ARHGEF11: variants seen among roughly 807,000 people sequenced by gnomAD.
ARHGEF11 encodes Rho guanine nucleotide exchange factor 11.
In ARHGEF11, 55 loss-of-function variants were observed where a neutral mutation model predicts 193.7. That is an observed-to-expected ratio of 0.28 (90% CI 0.23 to 0.36). ARHGEF11 has a LOEUF of 0.36. Among genes scored for constraint, ARHGEF11 ranks in the 10% least tolerant of loss-of-function variants. The pLI, the probability that ARHGEF11 is intolerant of heterozygous loss-of-function variation, is 1.00. For missense variants in ARHGEF11, 1,723 were observed against 2,005.6 expected, an observed-to-expected ratio of 0.86 and a Z score of 2.69; for synonymous variants, 693 against 768.0, an observed-to-expected ratio of 0.90 and a Z score of 1.62.
intron 1 of ARHGEF11, among the ~76,000 whole-genome samples, chr1:157,009,780 C>CT (rs1231583428): frequency 2.0e-5 from 3 of 152,192 alleles, no homozygotes; most frequent in Non-Finnish European, 4.4e-5. Context: ...CTGAAAGACA[C>CT]TAAGATATCC....
intron 21 of ARHGEF11, 71 bp from the exon 22 acceptor site, chr1:156,951,770 C>G: frequency 6.3e-7 from 1 of 1,593,812 alleles, no homozygotes; most frequent in South Asian, 1.1e-5. Context: ...TTGGACTTCC[C>G]CAGATCCCAG....
Position 156,968,041 on chromosome 1 carries a change from G to C in ARHGEF11, c.909C>G (p.Ala303=), listed in dbSNP as rs1457891559. The change falls in exon 11 of 41, where the codon GCC becomes GCG. Residue 303 remains alanine (A), a synonymous_variant. Transcript: ENST00000368194. ...RTSPVIMARV[A]QHHRRQGSDA... is the part of the protein sequence containing the mutation. ...CCGAGCCCTGCCGCCTGTGGTGCTG[G>C]GCCACCCTGGCCATGATCACAGGGG... 5 of 1,614,238 alleles carry C rather than the reference G, an allele frequency of 3.1e-6. No individual in the cohort carries two copies. The highest frequency in any genetic ancestry group is 2.2e-5 in the East Asian group (1 of 44,888).
chr1:157,002,256 A>G (rs1462726244), intron 1 of ARHGEF11, among the ~76,000 whole-genome samples: 6 of 152,140 alleles, frequency 3.9e-5, no homozygotes, highest in South Asian at 2.1e-4. Context: ...ACAAAACACA[A>G]TCTCCAGGAA....
chr1:156,994,042 G>T (rs1666132882), intron 1 of ARHGEF11, among the ~76,000 whole-genome samples: 1 of 152,132 alleles, frequency 6.6e-6, no homozygotes. Context: ...CTTATTCAGA[G>T]GACCGTAACT....
At chr1:157,022,491 T>C (rs1378909828) in intron 1 of ARHGEF11, among the ~76,000 whole-genome samples, 1 of 152,194 alleles carries the variant, frequency 6.6e-6, no homozygotes, top group Non-Finnish European at 1.5e-5. Context: ...ACTTGTACAC[T>C]GAAAACTAAA....
intron 38 of ARHGEF11, among the ~76,000 whole-genome samples, 178 bp from the exon 39 acceptor site, chr1:156,937,674 G>A (rs543232304): frequency 2.6e-5 from 4 of 152,268 alleles, no homozygotes; most frequent in African/African-American, 9.6e-5. Flanking sequence ...CCCTGCTCCC[G>A]AGACCTTCTA....
At chr1:156,953,115 G>T (rs909172350) in intron 21 of ARHGEF11, among the ~76,000 whole-genome samples, 14 of 146,020 alleles carry the variant, frequency 9.6e-5, no homozygotes, top group Non-Finnish European at 1.9e-4. Context: ...AGAGTAACAG[G>T]GGAGAAACAG....
chr1:157,021,547 A>C (rs1326981895), intron 1 of ARHGEF11, among the ~76,000 whole-genome samples: 1 of 152,254 alleles, frequency 6.6e-6, no homozygotes, highest in Non-Finnish European at 1.5e-5. Context: ...AGTCCAAGAC[A>C]GTAATGATGG....
chr1:156,980,587 T>C (rs1663987384), intron 3 of ARHGEF11, 101 bp from the exon 4 acceptor site: 6 of 1,309,400 alleles, frequency 4.6e-6, no homozygotes, highest in African/African-American at 1.5e-5. Context: ...TTTCCTCTTA[T>C]TTCTCTGTGT....
intron 20 of ARHGEF11, 123 bp from the exon 21 acceptor site, chr1:156,955,044 C>G (rs951031079): frequency 2.6e-6 from 2 of 781,888 alleles, no homozygotes; most frequent in Non-Finnish European, 4.1e-6. Flanking sequence ...CAAGGCTGAT[C>G]TAGAAGAATC....
At chr1:156,961,592 G>T in intron 14 of ARHGEF11, 85 bp downstream of exon 14, 1 of 1,135,858 alleles carries the variant, frequency 8.8e-7, no homozygotes, top group Middle Eastern at 2.0e-4. Context: ...TCTCTGTTTG[G>T]CCTGGATGTT....
intron 7 of ARHGEF11, among the ~76,000 whole-genome samples, chr1:156,972,597 T>C (rs1233812156): frequency 6.6e-6 from 1 of 152,144 alleles, no homozygotes; most frequent in Non-Finnish European, 1.5e-5. Flanking sequence ...AGACATTGGG[T>C]TCACATATTA....
intron 1 of ARHGEF11, among the ~76,000 whole-genome samples, chr1:157,037,243 G>C (rs1039453322): frequency 6.6e-6 from 1 of 152,158 alleles, no homozygotes; most frequent in East Asian, 1.9e-4. Context: ...TAACCGTTCT[G>C]ATTCAGAAGC....
chr1:156,971,712 C>T lies in ARHGEF11; in HGVS notation c.687G>A (p.Glu229=), dbSNP rs774487007. The change falls in exon 8 of 41, where the codon GAG becomes GAA. Residue 229 remains glutamate (E), a synonymous_variant. Transcript: ENST00000368194. The part of the protein sequence containing the change: ...VTQLQLKIQQ[E]TGGSVDILPL... ...CATCACTCACCACTGAGCCACCAGTCTCCTGCTGGATCTTCAGCTGTAACT... is the reference window on the plus strand; with the variant it reads ...CATCACTCACCACTGAGCCACCAGTTTCCTGCTGGATCTTCAGCTGTAACT... 1 of 1,613,952 alleles carries T rather than the reference C, an allele frequency of 6.2e-7. No homozygotes were observed. The highest frequency in any genetic ancestry group is 1.7e-5 in the Admixed American group (1 of 60,026).
chr1:156,939,827 C>T lies in ARHGEF11; in HGVS notation c.3817G>A (p.Asp1273Asn), dbSNP rs202191925. The T allele has an allele frequency of 1.6e-5, 26 of 1,613,226 alleles. No homozygotes were observed. The highest frequency in any genetic ancestry group is 1.5e-4 in the African/African-American group (11 of 75,022). The change falls in exon 37 of 41, where the codon GAC (aspartate) becomes AAC (asparagine). Residue 1273 changes from aspartate (D) to asparagine (N), a missense_variant. Asp to Asn is a conservative substitution (Grantham distance 23). Transcript: ENST00000368194. ...ATGACAGAAGGTGTGGGTGTCAGGT[C>T]GTCCTCGGGCTCCTGGGCAGCCTGA... ...ETQAAQEPED[D>N]LTPTPSVISV...
chr1:156,985,965 A>T, intron 2 of ARHGEF11, 117 bp downstream of exon 2: 1 of 804,394 alleles, frequency 1.2e-6, no homozygotes, highest in Non-Finnish European at 2.1e-6. Flanking sequence ...ATAGCACACT[A>T]CAGACCAGAG....
At chr1:157,018,193 A>G (rs1290226197) in intron 1 of ARHGEF11, among the ~76,000 whole-genome samples, 2 of 152,212 alleles carry the variant, frequency 1.3e-5, no homozygotes, top group African/African-American at 4.8e-5. Context: ...GACCTAAATA[A>G]AAGAAGAAAT....
chr1:157,011,235 G>C (rs543177810), intron 1 of ARHGEF11, among the ~76,000 whole-genome samples: 1 of 152,130 alleles, frequency 6.6e-6, no homozygotes. Flanking sequence ...TCAGTGGAGA[G>C]GTAATAGACT....
At position 156,954,380 on chromosome 1, in the gene ARHGEF11, C is replaced by CAA. The variant is rs559848711; in HGVS notation, c.1798+510_1798+511dup. Among the ~76,000 whole-genome samples, 385 of 75,132 alleles carry CAA rather than the reference C, an allele frequency of 5.1e-3. 49 individuals are homozygous for CAA. The highest frequency in any genetic ancestry group is 7.9e-3 in the Non-Finnish European group (318 of 40,058). 49.3% of individuals were successfully genotyped at this position (75,132 alleles called of 152,430 possible). ...GGGCCACAGAGTGAAACTGTGTCTC[C>CAA]AAAAAAAAAAAAAAAAAAAAAAAAA... is the stretch of plus-strand genomic sequence containing the variant. On this transcript the variant is annotated intron_variant, in intron 21 of 40. Coordinates refer to ENST00000368194, the MANE Select transcript of ARHGEF11 (RefSeq NM_198236.3).
Sources: allele counts gnomAD v4.1 joint callset (sites outside exome capture counted in the v4.1 genomes callset), GRCh38; gene constraint gnomAD v4.1.1; transcripts MANE v1.5; gene names NCBI Gene and HGNC (gene_info 2026-07-23, HGNC 2026-07-21).